The following PAK2 variants were observed in gnomAD, a reference collection of about 807,000 sequenced individuals.
PAK2 encodes the protein serine/threonine-protein kinase PAK 2.
Under a neutral mutation model 65.9 loss-of-function variants are expected in PAK2, and 21 were observed. The observed-to-expected ratio is 0.32, with a 90% confidence interval of 0.23 to 0.46. The LOEUF (loss-of-function observed/expected upper bound fraction) is 0.46, where lower values mean the gene tolerates loss of function less well. Among genes scored for constraint, PAK2 ranks in the 20% least tolerant of loss-of-function variants. The pLI is 1.00. For synonymous variants in PAK2, 204 were observed against 219.7 expected (o/e 0.93, Z 0.63); for missense variants, 324 against 642.6 (o/e 0.50, Z 5.36).
intron 1 of PAK2, among the ~76,000 whole-genome samples, chr3:196,756,216 G>A (rs1454089711): frequency 6.6e-6 from 1 of 152,002 alleles, no homozygotes; most frequent in Non-Finnish European, 1.5e-5. Context: ...AAAGCCAAGG[G>A]GAAGAAGAAA....
chr3:196,743,097 G>A (rs931958213), intron 1 of PAK2, among the ~76,000 whole-genome samples: 1 of 150,380 alleles, frequency 6.6e-6, no homozygotes, highest in Non-Finnish European at 1.5e-5. Flanking sequence ...GAGCAGAATA[G>A]GAAAGGAAAA....
chr3:196,816,629 G>A (rs527795255), intron 11 of PAK2, among the ~76,000 whole-genome samples: 6 of 152,152 alleles, frequency 3.9e-5, no homozygotes, highest in East Asian at 1.9e-4. Context: ...AATGTATTGC[G>A]GTAACACCCA....
At chr3:196,745,713 C>G (rs1713352529) in intron 1 of PAK2, among the ~76,000 whole-genome samples, 1 of 151,746 alleles carries the variant, frequency 6.6e-6, no homozygotes, top group Non-Finnish European at 1.5e-5. Context: ...ACTCCGGAGG[C>G]TGAGGCAGGA....
At chr3:196,740,599 G>T (rs1713157615) in intron 1 of PAK2, among the ~76,000 whole-genome samples, 1 of 152,032 alleles carries the variant, frequency 6.6e-6, no homozygotes, top group Non-Finnish European at 1.5e-5. Flanking sequence ...CTGTTCACCC[G>T]TTTCACTGCT....
At chr3:196,799,128 A>G (rs1186426766) in intron 2 of PAK2, among the ~76,000 whole-genome samples, 1 of 152,216 alleles carries the variant, frequency 6.6e-6, no homozygotes, top group Admixed American at 6.5e-5. Flanking sequence ...ATTCACCGAC[A>G]ACATGATTGA....
At chr3:196,782,868 T>C in intron 2 of PAK2, 35 bp downstream of exon 2, 1 of 1,435,908 alleles carries the variant, frequency 7.0e-7, no homozygotes, top group South Asian at 1.2e-5. Context: ...AGTCTCAGCA[T>C]TGGTTTATTA....
chr3:196,745,340 T>C (rs1713341003), intron 1 of PAK2, among the ~76,000 whole-genome samples: 1 of 145,610 alleles, frequency 6.9e-6, no homozygotes, highest in African/African-American at 2.6e-5. Context: ...GCCAGGCTGG[T>C]CTCAAACTCC....
At chr3:196,805,562 C>T (rs1715558343) in intron 5 of PAK2, among the ~76,000 whole-genome samples, 179 bp downstream of exon 5, 1 of 152,094 alleles carries the variant, frequency 6.6e-6, no homozygotes, top group African/African-American at 2.4e-5. Flanking sequence ...ATAGAAATTC[C>T]TTGATGTGAT....
At chr3:196,748,740 G>T (rs1713474101) in intron 1 of PAK2, among the ~76,000 whole-genome samples, 1 of 152,156 alleles carries the variant, frequency 6.6e-6, no homozygotes, top group Non-Finnish European at 1.5e-5. Flanking sequence ...TGGTGATTAT[G>T]AATAAAGCTG....
intron 12 of PAK2, among the ~76,000 whole-genome samples, chr3:196,818,376 C>T (rs574141919): frequency 6.6e-6 from 1 of 152,184 alleles, no homozygotes; most frequent in South Asian, 2.1e-4. Context: ...CTAGATAAGA[C>T]ATTATTAGGT....
chr3:196,743,154 T>G (rs966485324), intron 1 of PAK2, among the ~76,000 whole-genome samples: 4 of 152,230 alleles, frequency 2.6e-5, no homozygotes, highest in African/African-American at 9.6e-5. Flanking sequence ...TGTTTTCTTC[T>G]GTGATCAGAG....
chr3:196,803,190 C>A, intron 4 of PAK2, 26 bp downstream of exon 4: 2 of 1,549,716 alleles, frequency 1.3e-6, no homozygotes, highest in South Asian at 1.2e-5. Flanking sequence ...AAGGCTGGAT[C>A]AGATGGAGAT....
intron 1 of PAK2, among the ~76,000 whole-genome samples, chr3:196,756,180 C>T (rs1713763385): frequency 6.6e-6 from 1 of 152,070 alleles, no homozygotes; most frequent in African/African-American, 2.4e-5. Context: ...GTCATTGTTT[C>T]AGTTTTTTAA....
intron 1 of PAK2, among the ~76,000 whole-genome samples, chr3:196,766,363 G>C (rs1388454509): frequency 1.3e-5 from 2 of 152,084 alleles, no homozygotes; most frequent in African/African-American, 4.8e-5. Context: ...ATGAGTGTTT[G>C]CTAACTGTGT....
chr3:196,786,615 A>G (rs1469832175), intron 2 of PAK2, among the ~76,000 whole-genome samples: 1 of 152,012 alleles, frequency 6.6e-6, no homozygotes, highest in Non-Finnish European at 1.5e-5. Flanking sequence ...TATATTTGTG[A>G]AAAGATTCAC....
At chr3:196,744,779 TTTAA>T (rs1450991334) in intron 1 of PAK2, among the ~76,000 whole-genome samples, 1 of 152,216 alleles carries the variant, frequency 6.6e-6, no homozygotes, top group African/African-American at 2.4e-5. Flanking sequence ...ATGGTAGTAC[TTTAA>T]TTATTTGTGA....
chr3:196,768,669 A>C (rs936099009), intron 1 of PAK2, among the ~76,000 whole-genome samples: 5 of 143,826 alleles, frequency 3.5e-5, no homozygotes, highest in Non-Finnish European at 4.5e-5. Context: ...CTTTATTTTT[A>C]TTTATTTTTA....
At chr3:196,772,748 T>C (rs75151032) in intron 1 of PAK2, among the ~76,000 whole-genome samples, 15,213 of 152,086 alleles carry the variant, frequency 0.1, 1,232 homozygotes, top group East Asian at 0.44. Context: ...TGAGGCTCTT[T>C]TGTGTTTTTG....
intron 1 of PAK2, among the ~76,000 whole-genome samples, chr3:196,761,856 C>T (rs1340926544): frequency 2.7e-5 from 4 of 149,136 alleles, no homozygotes; most frequent in Admixed American, 1.4e-4. Flanking sequence ...ACCTCCCTCC[C>T]GGACGGGGTG....
Sources: gnomAD v4.1 joint callset for allele counts (sites outside exome capture counted in the v4.1 genomes callset) on GRCh38, gnomAD v4.1.1 for gene constraint, MANE v1.5 for transcripts, NCBI Gene and HGNC (gene_info 2026-07-23, HGNC 2026-07-21) for gene names.